The following SYN3 variants were observed in gnomAD, a reference collection of about 807,000 sequenced individuals.
The protein encoded by SYN3 is synapsin-3.
In SYN3, 35 loss-of-function variants were observed where a neutral mutation model predicts 65.8. The observed-to-expected ratio is 0.53, with a 90% CI of 0.41 to 0.70. The LOEUF is 0.70. Among genes scored for constraint, SYN3 ranks in the 30% least tolerant of loss-of-function variants. The pLI is 0.00. For missense variants in SYN3, 680 were observed against 749.0 expected (o/e 0.91, Z 1.08); for synonymous variants, 270 against 292.9 (o/e 0.92, Z 0.80).
intron 6 of SYN3, among the ~76,000 whole-genome samples, chr22:32,652,423 A>T (rs1370548242): frequency 9.4e-6 from 1 of 105,846 alleles, no homozygotes; most frequent in African/African-American, 3.3e-5. Context: ...TTTTGGAAGA[A>T]AACAAAGAAA....
At chr22:32,834,751 T>C (rs1425821722) in intron 6 of SYN3, among the ~76,000 whole-genome samples, 1 of 152,166 alleles carries the variant, frequency 6.6e-6, no homozygotes, top group Non-Finnish European at 1.5e-5. Context: ...GGGTGGCCCA[T>C]AAACCCAGAA....
intron 3 of SYN3, among the ~76,000 whole-genome samples, chr22:32,973,079 A>T (rs2052070262): frequency 6.6e-6 from 1 of 152,212 alleles, no homozygotes; most frequent in Non-Finnish European, 1.5e-5. Context: ...CAGTGACAAT[A>T]GTGACAGTGA....
At chr22:32,965,518 T>C (rs935575682) in intron 3 of SYN3, among the ~76,000 whole-genome samples, 1 of 151,728 alleles carries the variant, frequency 6.6e-6, no homozygotes, top group Non-Finnish European at 1.5e-5. Context: ...TCACGGCTTC[T>C]AACAGTTTGT....
chr22:32,931,521 C>CCAACGGTGGTAA, intron 3 of SYN3, 40 bp from the exon 4 acceptor site: 1 of 1,416,148 alleles, frequency 7.1e-7, no homozygotes, highest in South Asian at 1.2e-5. Flanking sequence ...TCATCAAATA[C>CCAACGGTGGTAA]CAACGGTGGT....
intron 3 of SYN3, among the ~76,000 whole-genome samples, chr22:32,939,367 G>C (rs2050872510): frequency 1.3e-5 from 2 of 152,090 alleles, no homozygotes; most frequent in Admixed American, 6.5e-5. Context: ...ACAGTGCCTT[G>C]AAAAGGAAAT....
chr22:32,633,479 C>T (rs963926861), intron 6 of SYN3, among the ~76,000 whole-genome samples: 1 of 152,078 alleles, frequency 6.6e-6, no homozygotes, highest in African/African-American at 2.4e-5. Context: ...ATGAAGTACC[C>T]CCAAAACAAG....
chr22:32,772,917 G>A (rs2045811400), intron 6 of SYN3, among the ~76,000 whole-genome samples: 1 of 152,182 alleles, frequency 6.6e-6, no homozygotes. Context: ...GCTGGTTTGG[G>A]GTTTCCAATT....
intron 6 of SYN3, among the ~76,000 whole-genome samples, chr22:32,655,861 C>T (rs1029334966): frequency 1.3e-5 from 2 of 152,192 alleles, no homozygotes; most frequent in Non-Finnish European, 2.9e-5. Context: ...CCCTCCCCAT[C>T]CCTGGTCAGT....
chr22:32,618,145 AC>A (rs1212234842), intron 6 of SYN3, among the ~76,000 whole-genome samples: 1 of 152,076 alleles, frequency 6.6e-6, no homozygotes, highest in African/African-American at 2.4e-5. Flanking sequence ...GCTCTCCCTA[AC>A]CACTAAATCT....
chr22:32,554,876 A>G (rs1240378676), intron 7 of SYN3, among the ~76,000 whole-genome samples: 1 of 152,186 alleles, frequency 6.6e-6, no homozygotes, highest in Non-Finnish European at 1.5e-5. Flanking sequence ...TGGGTAAGTT[A>G]CTTAACCTCT....
At chr22:32,588,168 G>T (rs1193618945) in intron 7 of SYN3, among the ~76,000 whole-genome samples, 1 of 152,162 alleles carries the variant, frequency 6.6e-6, no homozygotes, top group Non-Finnish European at 1.5e-5. Context: ...TCTAAAGAAT[G>T]GAATGGGGCT....
chr22:32,884,137 G>T (rs1315797615), intron 4 of SYN3, among the ~76,000 whole-genome samples: 2 of 152,212 alleles, frequency 1.3e-5, no homozygotes, highest in African/African-American at 4.8e-5. Flanking sequence ...CCGAACCTGG[G>T]AAACGTTTCT....
intron 6 of SYN3, among the ~76,000 whole-genome samples, chr22:32,667,240 C>T (rs2060301334): frequency 6.6e-6 from 1 of 151,834 alleles, no homozygotes; most frequent in African/African-American, 2.4e-5. Context: ...TTCTTCCTCA[C>T]TCACTCACTC....
chr22:32,998,126 CTCAT>C (rs1159725370), intron 2 of SYN3, among the ~76,000 whole-genome samples: 3 of 152,122 alleles, frequency 2.0e-5, no homozygotes, highest in South Asian at 4.1e-4. Flanking sequence ...TCCCAAATTC[CTCAT>C]TCAGTCAACA....
chr22:32,942,695 GA>G (rs1281753268), intron 3 of SYN3, among the ~76,000 whole-genome samples: 2 of 152,102 alleles, frequency 1.3e-5, no homozygotes, highest in African/African-American at 4.8e-5. Flanking sequence ...CTAAAACCTT[GA>G]AAAAAGATTA....
chr22:32,716,928 G>A (rs1258111797), intron 6 of SYN3, among the ~76,000 whole-genome samples: 1 of 152,056 alleles, frequency 6.6e-6, no homozygotes, highest in Non-Finnish European at 1.5e-5. Flanking sequence ...TCAGATTGCT[G>A]TACAACCATT....
At position 32,676,528 on chromosome 22, in the gene SYN3, C is replaced by CTTTTT. The variant is rs879196572; in HGVS notation, c.712-79797_712-79793dup. 5.2e-3 allele frequency among the ~76,000 whole-genome samples: 463 copies of CTTTTT among 88,896 alleles called. 7 individuals carry two copies. The highest frequency in any genetic ancestry group is 6.5e-3 in the Non-Finnish European group (323 of 49,910). 58.3% of individuals were successfully genotyped at this position (88,896 alleles called of 152,430 possible). A position where few individuals can be genotyped will look rare whatever the true frequency, so the allele number is the denominator to read the frequency against. ...CCATTTTCTTTCTTTTCTTTTCTTT[C>CTTTTT]TTTTTTTTTTTTTTTTTTTTTTTTT... On this transcript the variant is annotated intron_variant, in intron 6 of 13. Coordinates refer to ENST00000358763, the MANE Select transcript of SYN3 (RefSeq NM_003490.4).
chr22:32,631,176 TCCC>T (rs573877449), intron 6 of SYN3, among the ~76,000 whole-genome samples: 441 of 152,240 alleles, frequency 2.9e-3, no homozygotes, highest in Middle Eastern at 0.02. Context: ...GCGCCTGTAA[TCCC>T]AGCTACTCGG....
Position 32,601,467 on chromosome 22 carries a change from C to T in SYN3, c.712-4731G>A, listed in dbSNP as rs1356312730. Among the ~76,000 whole-genome samples the T allele has an allele frequency of 6.6e-5, 10 of 152,266 alleles. No individual in the cohort carries two copies. In the East Asian group the frequency reaches 7.7e-4, roughly 12 times the overall value. On this transcript the variant is annotated intron_variant, in intron 6 of 13. Coordinates refer to ENST00000358763, the MANE Select transcript of SYN3 (RefSeq NM_003490.4). ...TAATATTTTGTATTTTTAGTAGAGA[C>T]GGGGTTTCACCGTGTTAGCCAGAAT... is the stretch of plus-strand genomic sequence containing the variant.
Sources: allele counts gnomAD v4.1 joint callset (sites outside exome capture counted in the v4.1 genomes callset), GRCh38; gene constraint gnomAD v4.1.1; transcripts MANE v1.5; gene names NCBI Gene and HGNC (gene_info 2026-07-23, HGNC 2026-07-21).